Variants in ITSN1 observed in about 807,000 individuals in gnomAD.
The protein encoded by ITSN1 is intersectin-1.
Under a neutral mutation model 239.8 loss-of-function variants are expected in ITSN1, and 58 were observed. The observed-to-expected ratio is 0.24, with a 90% CI of 0.20 to 0.30. The LOEUF (loss-of-function observed/expected upper bound fraction) is 0.30, where lower values mean the gene tolerates loss of function less well. Among genes scored for constraint, ITSN1 ranks in the 10% least tolerant of loss-of-function variants. The pLI is 1.00. For missense variants in ITSN1, 1,558 were observed against 2,103.3 expected, an observed-to-expected ratio of 0.74 and a Z score of 5.07; for synonymous variants, 780 against 770.8, an observed-to-expected ratio of 1.01 and a Z score of -0.20.
chr21:33,727,702 C>G (rs948223655), intron 4 of ITSN1, among the ~76,000 whole-genome samples: 2 of 151,902 alleles, frequency 1.3e-5, no homozygotes, highest in African/African-American at 4.8e-5. Flanking sequence ...TAGCTCATGG[C>G]GTTGAACTAA....
chr21:33,888,453 A>T lies in ITSN1; in HGVS notation c.*153A>T, dbSNP rs1185750580. 10 of 712,360 alleles carry T rather than the reference A, an allele frequency of 1.4e-5. No homozygotes were observed. In the East Asian group the frequency reaches 2.5e-4, roughly 18 times the overall value. 44.1% of individuals were successfully genotyped at this position (712,360 alleles called of 1,614,324 possible). The stretch of plus-strand genomic sequence containing the variant: ...AGGCCCCTCAAAGCTCCTAGGAATC[A>T]TTCTCGACAATCCTCCCTGCCCCGA... On this transcript the variant is annotated 3_prime_UTR_variant, in exon 40 of 40. Transcript: ENST00000381318.
chr21:33,837,783 TTTTG>T, intron 29 of ITSN1: 1 of 985,910 alleles, frequency 1.0e-6, no homozygotes, highest in Non-Finnish European at 1.2e-6. Context: ...CACTCTGTGT[TTTTG>T]TTCGGTCTCA....
chr21:33,848,729 G>A (rs530927814), intron 29 of ITSN1, among the ~76,000 whole-genome samples: 38 of 152,286 alleles, frequency 2.5e-4, no homozygotes, highest in East Asian at 1.5e-3. Context: ...TCACCATCAC[G>A]CAGAGACTGC....
At chr21:33,691,824 C>T (rs2091562369) in intron 1 of ITSN1, among the ~76,000 whole-genome samples, 1 of 152,182 alleles carries the variant, frequency 6.6e-6, no homozygotes, top group African/African-American at 2.4e-5. Context: ...GTACCAATCC[C>T]ATTCATGAAG....
chr21:33,814,482 G>A (rs2073132849), intron 22 of ITSN1: 1 of 172,130 alleles, frequency 5.8e-6, no homozygotes, highest in Admixed American at 5.8e-5. Context: ...GTTTTTTTTG[G>A]AAAAGGTAGA....
chr21:33,883,940 C>T (rs935097073), intron 36 of ITSN1, among the ~76,000 whole-genome samples: 11 of 141,706 alleles, frequency 7.8e-5, no homozygotes, highest in Admixed American at 2.2e-4. Flanking sequence ...CACTCTGTCA[C>T]CCAGGCTGGA....
intron 20 of ITSN1, among the ~76,000 whole-genome samples, chr21:33,803,325 C>T (rs978806595): frequency 5.3e-5 from 8 of 152,102 alleles, no homozygotes; most frequent in Non-Finnish European, 8.8e-5. Context: ...TTTCTCCTTC[C>T]TCTCATTCTT....
chr21:33,837,456 A>C (rs1292108268), intron 29 of ITSN1: 1 of 986,312 alleles, frequency 1.0e-6, no homozygotes, highest in African/African-American at 1.7e-5. Context: ...AAATGTCCAT[A>C]AATCTGAGAC....
intron 29 of ITSN1, among the ~76,000 whole-genome samples, chr21:33,845,548 C>T (rs777310118): frequency 1.2e-4 from 18 of 151,998 alleles, no homozygotes; most frequent in Non-Finnish European, 2.1e-4. Flanking sequence ...CCTGATCTGC[C>T]CCCTTCTCCA....
intron 1 of ITSN1, among the ~76,000 whole-genome samples, chr21:33,643,001 G>A (rs2087546975): frequency 6.7e-6 from 1 of 149,934 alleles, no homozygotes; most frequent in African/African-American, 2.4e-5. Flanking sequence ...GACGGGCGTG[G>A]GGATGAATGG....
At chr21:33,826,417 C>T (rs1390436248) in intron 25 of ITSN1, among the ~76,000 whole-genome samples, 1 of 151,954 alleles carries the variant, frequency 6.6e-6, no homozygotes, top group African/African-American at 2.4e-5. Flanking sequence ...AGTTATATTC[C>T]CTGTACTTTT....
chr21:33,819,958 C>T (rs866134912), intron 24 of ITSN1, among the ~76,000 whole-genome samples: 11 of 152,038 alleles, frequency 7.2e-5, no homozygotes, highest in South Asian at 4.2e-4. Context: ...GTCCGCAGTC[C>T]GGCCTGGGCG....
chr21:33,689,545 G>GTA (rs1568942755), intron 1 of ITSN1, among the ~76,000 whole-genome samples: 1 of 152,104 alleles, frequency 6.6e-6, no homozygotes, highest in Non-Finnish European at 1.5e-5. Flanking sequence ...GCACAGTGAT[G>GTA]TATACCTCTA....
intron 33 of ITSN1, among the ~76,000 whole-genome samples, chr21:33,874,223 G>T (rs969947564): frequency 6.6e-6 from 1 of 151,760 alleles, no homozygotes; most frequent in Non-Finnish European, 1.5e-5. Flanking sequence ...TCTGTGGTGG[G>T]GCAGGGATTT....
chr21:33,844,466 C>T (rs998428000), intron 29 of ITSN1, among the ~76,000 whole-genome samples: 8 of 152,190 alleles, frequency 5.3e-5, no homozygotes, highest in Non-Finnish European at 1.2e-4. Flanking sequence ...GCCTTGTGTT[C>T]TCTTGCCAGC....
chr21:33,867,027 T>C (rs1022264421), intron 32 of ITSN1, among the ~76,000 whole-genome samples: 1 of 152,042 alleles, frequency 6.6e-6, no homozygotes, highest in Non-Finnish European at 1.5e-5. Flanking sequence ...GCTGGCTGAG[T>C]CACATCTGTG....
chr21:33,818,565 C>G (rs574204302), intron 23 of ITSN1, 93 bp downstream of exon 23: 1 of 1,136,580 alleles, frequency 8.8e-7, no homozygotes, highest in Non-Finnish European at 1.3e-6. Context: ...ACAGGAGTTG[C>G]GGGATTAGTT....
At position 33,858,666 on chromosome 21, in the gene ITSN1, T is replaced by C; in HGVS notation, c.3784-20T>C. 1.3e-6 allele frequency: 2 copies of C among 1,511,408 alleles called. No homozygotes were observed. Among genetic ancestry groups the C allele is most frequent in the African/African-American group, 2.7e-5 (2 of 72,908 alleles). 93.6% of individuals were successfully genotyped at this position (1,511,408 alleles called of 1,614,324 possible). A position where few individuals can be genotyped will look rare whatever the true frequency, so the allele number is the denominator to read the frequency against. ...TTAAGCTAACTGCTTTCTGAACTGC[T>C]TCGTTTTCTGCATCTGTAGATTTTT... is the stretch of plus-strand genomic sequence containing the variant. On this transcript the variant is annotated intron_variant, in intron 30 of 39. Coordinates refer to ENST00000381318, the MANE Select transcript of ITSN1 (RefSeq NM_003024.3).
At chr21:33,644,875 G>C (rs2087790137) in intron 1 of ITSN1, among the ~76,000 whole-genome samples, 1 of 151,198 alleles carries the variant, frequency 6.6e-6, no homozygotes, top group African/African-American at 2.4e-5. Flanking sequence ...AGGCTGGAGT[G>C]CAGTGGCGCA....
Sources: gnomAD v4.1 joint callset for allele counts (sites outside exome capture counted in the v4.1 genomes callset) on GRCh38, gnomAD v4.1.1 for gene constraint, MANE v1.5 for transcripts, NCBI Gene and HGNC (gene_info 2026-07-23, HGNC 2026-07-21) for gene names.